FAM167A: variants seen among roughly 807,000 people sequenced by gnomAD.
The protein encoded by FAM167A is protein FAM167A.
A neutral mutation model predicts 14.9 loss-of-function variants in FAM167A; 23 were observed. The observed-to-expected ratio is 1.55, with a 90% confidence interval of 1.11 to 2.19. The LOEUF is 2.19. Ranked by LOEUF, FAM167A falls within the 30% of genes most tolerant of loss-of-function variation. The pLI is 0.00. For synonymous variants in FAM167A, 174 were observed against 117.7 expected (o/e 1.48, Z -3.10); for missense variants, 401 against 281.5 (o/e 1.42, Z -3.04).
At chr8:11,462,753 C>A (rs1219834873) in intron 1 of FAM167A, among the ~76,000 whole-genome samples, 1 of 151,942 alleles carries the variant, frequency 6.6e-6, no homozygotes, top group Non-Finnish European at 1.5e-5. Context: ...AACGCCCACC[C>A]CTACCCCACT....
chr8:11,450,248 G>A lies in FAM167A; in HGVS notation c.-397-5440C>T, dbSNP rs1199825112. 2.0e-5 allele frequency among the ~76,000 whole-genome samples: 3 copies of A among 152,170 alleles called. No individual in the cohort carries two copies. The East Asian group carries it at 5.8e-4, about 29-fold the overall frequency. ...GTTTTGCTTGATTTGCCCAGGCTGGGCTGTGTGTACCCAGGACAACCCGAG... is the reference window on the plus strand; with the variant it reads ...GTTTTGCTTGATTTGCCCAGGCTGGACTGTGTGTACCCAGGACAACCCGAG... On this transcript the variant is annotated intron_variant, in intron 1 of 2. Transcript: ENST00000284486.
Position 11,444,693 on chromosome 8 carries a change from G to A in FAM167A, c.-282C>T. 1 of 1,215,256 alleles carries A rather than the reference G, an allele frequency of 8.2e-7. No homozygotes were observed. Among genetic ancestry groups the A allele is most frequent in the Non-Finnish European group, 1.0e-6 (1 of 974,040 alleles). 75.3% of individuals were successfully genotyped at this position (1,215,256 alleles called of 1,614,324 possible). ...AAGGCAGGAACAGACAGCGTCGCAG[G>A]AATCTCGGGGCAGCCTGTGCCAAGG... On this transcript the variant is annotated 5_prime_UTR_variant, in exon 2 of 3. Coordinates refer to ENST00000284486, the MANE Select transcript of FAM167A (RefSeq NM_053279.3).
chr8:11,441,407 C>G (rs1167778022), intron 2 of FAM167A, among the ~76,000 whole-genome samples: 1 of 152,208 alleles, frequency 6.6e-6, no homozygotes, highest in Non-Finnish European at 1.5e-5. Flanking sequence ...AAGCTCCATT[C>G]CCAACCAAAG....
At chr8:11,461,003 G>A (rs757694775) in intron 1 of FAM167A, among the ~76,000 whole-genome samples, 6 of 152,238 alleles carry the variant, frequency 3.9e-5, no homozygotes, top group Admixed American at 1.3e-4. Context: ...CTGGGAGCGC[G>A]GAAACCTTCC....
Position 11,452,675 on chromosome 8 carries a change from G to C in FAM167A, c.-397-7867C>G, listed in dbSNP as rs186995776. Among the ~76,000 whole-genome samples, 504 of 152,316 alleles carry C rather than the reference G, an allele frequency of 3.3e-3. 2 individuals carry two copies. Among genetic ancestry groups the C allele is most frequent in the Middle Eastern group, 6.8e-3 (2 of 294 alleles). ...ACCCTATTCAAATCCCCATTTTACA[G>C]GTGAGGAAACAGATAACTTTTCTCA... is the stretch of plus-strand genomic sequence containing the variant. On this transcript the variant is annotated intron_variant, in intron 1 of 2. Transcript: ENST00000284486.
intron 2 of FAM167A, 50 bp downstream of exon 2, chr8:11,443,981 A>T: frequency 3.8e-6 from 6 of 1,562,830 alleles, no homozygotes; most frequent in Middle Eastern, 1.7e-4. Context: ...AGACACAGAG[A>T]GACGGTGGCA....
rs1443885076 is a variant in FAM167A at position 11,423,325 on chromosome 8, C to A, written c.*1048G>T. ...ATCAAATCCTACGCACTGTAGTTGA[C>A]CTACACAAGTGGCTTCCGCATTTGG... On this transcript the variant is annotated 3_prime_UTR_variant, in exon 3 of 3. Coordinates refer to ENST00000284486, the MANE Select transcript of FAM167A (RefSeq NM_053279.3). The A allele has an allele frequency of 6.6e-6, 1 of 152,424 alleles. No individual in the cohort carries two copies. The highest frequency in any genetic ancestry group is 1.5e-5 in the Non-Finnish European group (1 of 68,004). The allele number at this position is 152,424 out of a possible 1,614,324, so 9.4% of individuals were successfully genotyped here.
chr8:11,452,784 A>G (rs1274792463), intron 1 of FAM167A, among the ~76,000 whole-genome samples: 1 of 152,192 alleles, frequency 6.6e-6, no homozygotes, highest in Non-Finnish European at 1.5e-5. Context: ...TTTAGCATCT[A>G]TGAATGCTGG....
In FAM167A at chr8:11,464,198, A is replaced by G. The variant is rs182577314; in HGVS notation, c.-398+2428T>C. Among the ~76,000 whole-genome samples the G allele has an allele frequency of 2.0e-4, 30 of 152,218 alleles. 1 individual carries two copies. In the East Asian group the frequency reaches 5.8e-3, roughly 29 times the overall value. On this transcript the variant is annotated intron_variant, in intron 1 of 2. Transcript: ENST00000284486. ...ACTGCTCTGCTCACCTTCTTTCTCCATGCTTGTCCTTCCTCTCCAACACTT... is the reference window on the plus strand; with the variant it reads ...ACTGCTCTGCTCACCTTCTTTCTCCGTGCTTGTCCTTCCTCTCCAACACTT...
At chr8:11,446,634 A>G (rs2409771) in intron 1 of FAM167A, 68,461 of 151,980 alleles carry the variant, frequency 0.45, 15,727 homozygotes, top group East Asian at 0.67. Flanking sequence ...GTAAAATGGG[A>G]GTGATAAATA....
At chr8:11,450,003 G>C (rs922721067) in intron 1 of FAM167A, among the ~76,000 whole-genome samples, 1 of 152,174 alleles carries the variant, frequency 6.6e-6, no homozygotes, top group South Asian at 2.1e-4. Flanking sequence ...CTCTCACCAC[G>C]CGCTCCTGCT....
At chr8:11,446,870 C>G (rs932999328) in intron 1 of FAM167A, among the ~76,000 whole-genome samples, 3 of 152,248 alleles carry the variant, frequency 2.0e-5, no homozygotes, top group African/African-American at 7.2e-5. Flanking sequence ...TTGAGCATGT[C>G]TGGGGCAGCT....
intron 1 of FAM167A, among the ~76,000 whole-genome samples, chr8:11,457,875 T>A (rs1369655889): frequency 6.6e-6 from 1 of 152,208 alleles, no homozygotes; most frequent in East Asian, 1.9e-4. Flanking sequence ...CTGGCCCGCA[T>A]GACCTTGAAC....
chr8:11,453,591 AG>A (rs1321743406), intron 1 of FAM167A, among the ~76,000 whole-genome samples: 2 of 152,110 alleles, frequency 1.3e-5, no homozygotes, highest in East Asian at 3.9e-4. Context: ...GTGGAGGTGG[AG>A]GGGAGGGCTG....
chr8:11,461,385 G>A (rs1807532069), intron 1 of FAM167A, among the ~76,000 whole-genome samples: 1 of 152,294 alleles, frequency 6.6e-6, no homozygotes, highest in African/African-American at 2.4e-5. Context: ...GGCTAAGGCA[G>A]CCTGCTGCCG....
At chr8:11,430,105 G>A (rs1474648044) in intron 2 of FAM167A, among the ~76,000 whole-genome samples, 1 of 152,172 alleles carries the variant, frequency 6.6e-6, no homozygotes, top group African/African-American at 2.4e-5. Context: ...CTCTGGCAAA[G>A]GCTCTACCAT....
chr8:11,453,393 A>T (rs1807102549), intron 1 of FAM167A, among the ~76,000 whole-genome samples: 1 of 152,226 alleles, frequency 6.6e-6, no homozygotes, highest in Admixed American at 6.5e-5. Context: ...AGCACTCAAT[A>T]TGTGCCAGGC....
chr8:11,428,180 G>A (rs556138060), intron 2 of FAM167A, among the ~76,000 whole-genome samples: 107 of 152,338 alleles, frequency 7.0e-4, no homozygotes, highest in African/African-American at 2.3e-3. Context: ...CTTTGAAGTC[G>A]GGGAATTTGG....
At chr8:11,428,766 C>T (rs1200186840) in intron 2 of FAM167A, among the ~76,000 whole-genome samples, 1 of 152,208 alleles carries the variant, frequency 6.6e-6, no homozygotes. Flanking sequence ...GGCCCATGCT[C>T]GGCTGCTCCC....
Sources: allele counts gnomAD v4.1 joint callset (sites outside exome capture counted in the v4.1 genomes callset), GRCh38; gene constraint gnomAD v4.1.1; transcripts MANE v1.5; gene names NCBI Gene and HGNC (gene_info 2026-07-23, HGNC 2026-07-21).